The following LOC128092252 variants were observed in gnomAD, a reference collection of about 807,000 sequenced individuals.
the LOC128092252 span, among the ~76,000 whole-genome samples, chr15:50,680,500 C>T: frequency 6.6e-6 from 1 of 151,290 alleles, no homozygotes; most frequent in Non-Finnish European, 1.5e-5. Context: ...ACCCGGGAGG[C>T]GGAGTCTGCA....
the LOC128092252 span, among the ~76,000 whole-genome samples, chr15:50,656,173 TAAAAG>T: frequency 5.3e-5 from 8 of 152,192 alleles, no homozygotes; most frequent in South Asian, 1.7e-3. Context: ...AAATGCTAAA[TAAAAG>T]AAACTCTTTG....
chr15:50,679,723 G>T, the LOC128092252 span, among the ~76,000 whole-genome samples: 1 of 150,364 alleles, frequency 6.7e-6, no homozygotes, highest in Non-Finnish European at 1.5e-5. Flanking sequence ...TTTAGTAGAG[G>T]TGGGGTTATC....
chr15:50,673,544 C>T, the LOC128092252 span, among the ~76,000 whole-genome samples: 1 of 152,056 alleles, frequency 6.6e-6, no homozygotes, highest in Non-Finnish European at 1.5e-5. Flanking sequence ...TCCTGAGTTA[C>T]TTCACTTAGA....
the LOC128092252 span, among the ~76,000 whole-genome samples, chr15:50,671,656 T>G: frequency 1.3e-5 from 2 of 152,030 alleles, no homozygotes; most frequent in Non-Finnish European, 2.9e-5. Context: ...AAAAGTTTTT[T>G]TTAATTAGCC....
the LOC128092252 span, among the ~76,000 whole-genome samples, chr15:50,663,302 AT>A: frequency 6.6e-6 from 1 of 151,938 alleles, no homozygotes; most frequent in African/African-American, 2.4e-5. Flanking sequence ...ATAATTTTGT[AT>A]TTTTTTAGTA....
At chr15:50,666,828 T>C in the LOC128092252 span, among the ~76,000 whole-genome samples, 4 of 151,500 alleles carry the variant, frequency 2.6e-5, no homozygotes, top group African/African-American at 9.7e-5. Context: ...GCGGTGGAGG[T>C]GGCAGCACAA....
chr15:50,684,102 G>A, the LOC128092252 span, among the ~76,000 whole-genome samples: 1 of 151,516 alleles, frequency 6.6e-6, no homozygotes, highest in Non-Finnish European at 1.5e-5. Flanking sequence ...TCCGGGATCA[G>A]CCTGTCGCCG....
chr15:50,680,158 C>T, the LOC128092252 span, among the ~76,000 whole-genome samples: 2 of 151,962 alleles, frequency 1.3e-5, no homozygotes, highest in Admixed American at 6.6e-5. Flanking sequence ...CACTTGAACC[C>T]GGGAGGCAGA....
chr15:50,668,991 C>T, the LOC128092252 span, among the ~76,000 whole-genome samples: 5 of 152,300 alleles, frequency 3.3e-5, no homozygotes, highest in East Asian at 1.9e-4. Context: ...ATCTTGTCTA[C>T]GCAGTCCCTG....
chr15:50,679,646 A>G, the LOC128092252 span, among the ~76,000 whole-genome samples: 1 of 148,108 alleles, frequency 6.8e-6, no homozygotes, highest in East Asian at 2.0e-4. Flanking sequence ...ACCAATTCTC[A>G]TGCCCCAGTC....
chr15:50,682,451 G>A, the LOC128092252 span, among the ~76,000 whole-genome samples: 2 of 151,674 alleles, frequency 1.3e-5, no homozygotes, highest in African/African-American at 4.8e-5. Context: ...TGTGGTGTGT[G>A]CCTGTAATCC....
At chr15:50,677,757 A>C in the LOC128092252 span, among the ~76,000 whole-genome samples, 5 of 149,618 alleles carry the variant, frequency 3.3e-5, no homozygotes, top group African/African-American at 1.2e-4. Flanking sequence ...AAAAAAAAAA[A>C]AAACAAAAGG....
At chr15:50,651,942 A>G in the LOC128092252 span, among the ~76,000 whole-genome samples, 1 of 152,064 alleles carries the variant, frequency 6.6e-6, no homozygotes, top group East Asian at 1.9e-4. Flanking sequence ...TAAAGGTTTT[A>G]AAAATTTCAT....
the LOC128092252 span, among the ~76,000 whole-genome samples, chr15:50,665,979 C>A: frequency 2.6e-5 from 4 of 151,030 alleles, no homozygotes; most frequent in African/African-American, 9.7e-5. Flanking sequence ...GGCAACAGAG[C>A]GAGACTCTCT....
At chr15:50,662,885 T>C in the LOC128092252 span, 2 of 986,154 alleles carry the variant, frequency 2.0e-6, no homozygotes, top group Non-Finnish European at 1.6e-6. Context: ...TATTTAGTGG[T>C]TTTTGTTTCC....
At chr15:50,656,444 A>G in the LOC128092252 span, among the ~76,000 whole-genome samples, 2 of 151,866 alleles carry the variant, frequency 1.3e-5, no homozygotes, top group African/African-American at 4.8e-5. Context: ...CAGCCTCTTA[A>G]GTAGCTGGGA....
the LOC128092252 span, among the ~76,000 whole-genome samples, chr15:50,669,951 A>G: frequency 6.6e-6 from 1 of 152,176 alleles, no homozygotes; most frequent in Non-Finnish European, 1.5e-5. Flanking sequence ...CTTTACTGTT[A>G]TGGAATACAT....
At chr15:50,663,285 C>T in the LOC128092252 span, among the ~76,000 whole-genome samples, 2,107 of 152,186 alleles carry the variant, frequency 0.014, 46 homozygotes, top group African/African-American at 0.049. Context: ...TGTGCCACTA[C>T]GACCAGATAA....
At chr15:50,666,000 A>T in the LOC128092252 span, among the ~76,000 whole-genome samples, 2,214 of 152,270 alleles carry the variant, frequency 0.015, 60 homozygotes, top group African/African-American at 0.051. Context: ...CTCAAAAAAT[A>T]ATAATTTAAA....
Sources: gnomAD v4.1 joint callset for allele counts (sites outside exome capture counted in the v4.1 genomes callset) on GRCh38, gnomAD v4.1.1 for gene constraint, MANE v1.5 for transcripts.